Variants in ALKBH8 observed in about 807,000 individuals in gnomAD.
ALKBH8 encodes the protein tRNA (carboxymethyluridine(34)-5-O)-methyltransferase ALKBH8.
ALKBH8 carries 36 observed loss-of-function variants against 59.8 expected under a neutral mutation model. The ratio of observed to expected loss-of-function variants is 0.60; its 90% CI spans 0.46 to 0.79. The LOEUF (loss-of-function observed/expected upper bound fraction) is 0.79. ALKBH8 is among the 30% of genes least tolerant of loss of function. ALKBH8 has a pLI of 0.00. For synonymous variants in ALKBH8, 276 were observed against 273.6 expected, an observed-to-expected ratio of 1.01 and a Z score of -0.09; for missense variants, 768 against 801.0, an observed-to-expected ratio of 0.96 and a Z score of 0.50.
chr11:107,558,551 A>T (rs551568658), intron 2 of ALKBH8, among the ~76,000 whole-genome samples: 1 of 152,286 alleles, frequency 6.6e-6, no homozygotes, highest in South Asian at 2.1e-4. Context: ...ATGGAAGATG[A>T]TGAAGTATGA....
chr11:107,511,357 G>A (rs1343835481), intron 10 of ALKBH8, among the ~76,000 whole-genome samples: 1 of 152,122 alleles, frequency 6.6e-6, no homozygotes, highest in Non-Finnish European at 1.5e-5. Context: ...GGATGTTTCT[G>A]TAATATCACA....
In ALKBH8 at chr11:107,556,121, T is replaced by C. The variant is rs56204382; in HGVS notation, c.367+645A>G. ...GGTGAAACCCCATCTCTACTAAAAA[T>C]ACAAAAATTAGCCAGGCATGGTGGC... On this transcript the variant is annotated intron_variant, in intron 3 of 11. Transcript: ENST00000428149. Among the ~76,000 whole-genome samples the C allele has an allele frequency of 7.4e-3, 1,128 of 152,066 alleles. 18 individuals are homozygous for C. Among genetic ancestry groups the C allele is most frequent in the African/African-American group, 0.026 (1,086 of 41,488 alleles).
intron 8 of ALKBH8, among the ~76,000 whole-genome samples, chr11:107,529,284 G>C (rs1863478051): frequency 6.6e-6 from 1 of 152,076 alleles, no homozygotes; most frequent in East Asian, 1.9e-4. Flanking sequence ...ACAATGCCTG[G>C]CACAAGGAAA....
At chr11:107,535,650 C>T (rs1448231098) in intron 7 of ALKBH8, among the ~76,000 whole-genome samples, 2 of 151,884 alleles carry the variant, frequency 1.3e-5, no homozygotes, top group Admixed American at 6.6e-5. Flanking sequence ...TATCTTTGAA[C>T]TTGTGTTAAA....
chr11:107,537,957 T>C (rs1454165163), intron 7 of ALKBH8, among the ~76,000 whole-genome samples: 5 of 152,114 alleles, frequency 3.3e-5, no homozygotes, highest in African/African-American at 7.2e-5. Flanking sequence ...TTCCTATGTT[T>C]TGAATAAGGA....
intron 1 of ALKBH8, chr11:107,565,342 C>A: frequency 1.7e-6 from 1 of 574,246 alleles, no homozygotes; most frequent in Non-Finnish European, 3.1e-6. Context: ...TCTCCAACCC[C>A]AAAGAAAACA....
At chr11:107,563,842 TC>T (rs1865029989) in intron 1 of ALKBH8, 1 of 152,226 alleles carries the variant, frequency 6.6e-6, no homozygotes, top group African/African-American at 2.4e-5. Flanking sequence ...CACATTTTTG[TC>T]ATCCCTTTCC....
At chr11:107,537,719 CAAA>C (rs11290722) in intron 7 of ALKBH8, among the ~76,000 whole-genome samples, 7 of 142,582 alleles carry the variant, frequency 4.9e-5, no homozygotes, top group Non-Finnish European at 3.1e-5. Flanking sequence ...AAGTTGAAGA[CAAA>C]AAAAAAAAAA....
Position 107,549,747 on chromosome 11 carries a change from A to G in ALKBH8, c.771+6T>C, listed in dbSNP as rs906472030. The G allele has an allele frequency of 8.4e-6, 13 of 1,539,052 alleles. No individual in the cohort carries two copies. The African/African-American group carries it at 1.6e-4, about 20-fold the overall frequency. On this transcript the variant is annotated splice_donor_region_variant and intron_variant, in intron 7 of 11. Transcript: ENST00000428149. ...ATGATGATAGCTAATAAAAATGACC[A>G]TTTACCTCTGACCCCAAACTGAGAG...
At chr11:107,517,355 G>A (rs1428948051) in intron 10 of ALKBH8, among the ~76,000 whole-genome samples, 1 of 152,104 alleles carries the variant, frequency 6.6e-6, no homozygotes, top group Non-Finnish European at 1.5e-5. Flanking sequence ...AAACAGTATG[G>A]AAGCTTCACA....
intron 7 of ALKBH8, among the ~76,000 whole-genome samples, chr11:107,538,199 T>C (rs1390294384): frequency 3.3e-5 from 5 of 150,264 alleles, no homozygotes; most frequent in Non-Finnish European, 5.9e-5. Flanking sequence ...GAAACTTATT[T>C]TGGCATATAA....
intron 7 of ALKBH8, among the ~76,000 whole-genome samples, chr11:107,532,887 A>T (rs1863655411): frequency 6.6e-6 from 1 of 152,196 alleles, no homozygotes; most frequent in South Asian, 2.1e-4. Context: ...TAATCACAAT[A>T]ACTGGCATAC....
chr11:107,553,846 C>G lies in ALKBH8; in HGVS notation c.499+1G>C, dbSNP rs1864594217. 6.2e-7 allele frequency: 1 copy of G among 1,606,630 alleles called. No homozygotes were observed. The highest frequency in any genetic ancestry group is 8.5e-7 in the Non-Finnish European group (1 of 1,177,866). ...TATCAGATTTTGAAAGTTTTACTTACAGTTTTGATTGTCTGTATCTTCTGT... is the reference window on the plus strand; with the variant it reads ...TATCAGATTTTGAAAGTTTTACTTAGAGTTTTGATTGTCTGTATCTTCTGT... On this transcript the variant is annotated splice_donor_variant, in intron 4 of 11. Transcript: ENST00000428149. LOFTEE classifies it high-confidence loss of function.
At chr11:107,555,740 C>A (rs1369363827) in intron 3 of ALKBH8, among the ~76,000 whole-genome samples, 1 of 152,134 alleles carries the variant, frequency 6.6e-6, no homozygotes, top group Non-Finnish European at 1.5e-5. Context: ...CTTTTACTGC[C>A]TAAATAGGTG....
At chr11:107,565,223 G>A (rs1211607899) in intron 1 of ALKBH8, 2 of 263,482 alleles carry the variant, frequency 7.6e-6, no homozygotes, top group Non-Finnish European at 1.5e-5. Context: ...AGCTGCGCAA[G>A]GGATCAGATC....
chr11:107,522,542 G>A lies in ALKBH8; in HGVS notation c.1044C>T (p.Val348=), dbSNP rs1002600420. ...GAGTCTCTTTCCTCTGGCTATCACA[G>A]ACCAACGGGTAACCTTAATGAAAAA... ...QTPCNCSYPL[V]CDSQRKETPP... is the part of the protein sequence containing the mutation. Residue 348 remains valine, a synonymous_variant, in exon 10 of 12, where the codon GTC becomes GTT. Coordinates refer to ENST00000428149, the MANE Select transcript of ALKBH8 (RefSeq NM_138775.3). 105 of 1,551,010 alleles carry A rather than the reference G, an allele frequency of 6.8e-5. 1 individual carries two copies. The African/African-American group carries it at 1.3e-3, about 19-fold the overall frequency.
At chr11:107,520,999 ACATAT>A (rs561804361) in intron 10 of ALKBH8, among the ~76,000 whole-genome samples, 281 of 152,362 alleles carry the variant, frequency 1.8e-3, no homozygotes, top group Middle Eastern at 6.8e-3. Context: ...ACACTGTATT[ACATAT>A]CATAAGTAAT....
At chr11:107,548,088 C>T (rs940063897) in intron 7 of ALKBH8, among the ~76,000 whole-genome samples, 6 of 152,206 alleles carry the variant, frequency 3.9e-5, no homozygotes, top group African/African-American at 1.4e-4. Context: ...TTACAACTCT[C>T]CTGAAAACAA....
chr11:107,547,720 A>G (rs1864324224), intron 7 of ALKBH8, among the ~76,000 whole-genome samples: 1 of 152,238 alleles, frequency 6.6e-6, no homozygotes, highest in Non-Finnish European at 1.5e-5. Context: ...CAAAATTACA[A>G]TGATTCACTT....
Sources: gnomAD v4.1 joint callset for allele counts (sites outside exome capture counted in the v4.1 genomes callset) on GRCh38, gnomAD v4.1.1 for gene constraint, MANE v1.5 for transcripts, NCBI Gene and HGNC (gene_info 2026-07-23, HGNC 2026-07-21) for gene names.